NUP98: variants seen among roughly 807,000 people sequenced by gnomAD.
NUP98 encodes nuclear pore complex protein Nup98-Nup96.
In NUP98, 26 loss-of-function variants were observed where a neutral mutation model predicts 191.9. The ratio of observed to expected loss-of-function variants is 0.14; its 90% confidence interval spans 0.10 to 0.19. The LOEUF is 0.19. NUP98 is among the 10% of genes least tolerant of loss of function. The pLI, the probability that NUP98 is intolerant of heterozygous loss-of-function variation, is 1.00. For synonymous variants in NUP98, 808 were observed against 778.4 expected, an observed-to-expected ratio of 1.04 and a Z score of -0.63; for missense variants, 1,941 against 2,178.8, an observed-to-expected ratio of 0.89 and a Z score of 2.17.
At chr11:3,702,270 G>A (rs1335136094) in intron 23 of NUP98, among the ~76,000 whole-genome samples, 193 bp downstream of exon 23, 4 of 146,016 alleles carry the variant, frequency 2.7e-5, no homozygotes, top group Non-Finnish European at 6.0e-5. Flanking sequence ...GGGAAACAGA[G>A]CAAAACTGAG....
chr11:3,697,902 A>T (rs899725200), intron 25 of NUP98, among the ~76,000 whole-genome samples: 1 of 151,706 alleles, frequency 6.6e-6, no homozygotes, highest in Non-Finnish European at 1.5e-5. Context: ...AGTGAAAGGG[A>T]ACTTAAAGAA....
Position 3,702,876 on chromosome 11 carries a change from T to C in NUP98, c.3099A>G (p.Gln1033=), listed in dbSNP as rs749967888. 3 of 1,611,006 alleles carry C rather than the reference T, an allele frequency of 1.9e-6. No homozygotes were observed. Among genetic ancestry groups the C allele is most frequent in the African/African-American group, 1.3e-5 (1 of 74,872 alleles). Residue 1033 remains glutamine, a synonymous_variant, in exon 23 of 33, where the codon CAA becomes CAG. Transcript: ENST00000324932. ...KTRSLVGGLL[Q]SKFTSGAFLS... ...GAAAAGCTCCACTTGTAAATTTTGA[T>C]TGTAGTAACCCACCAACTGAAATGA...
intron 8 of NUP98, among the ~76,000 whole-genome samples, chr11:3,763,896 T>C (rs2081256264): frequency 6.6e-6 from 1 of 152,206 alleles, no homozygotes; most frequent in Non-Finnish European, 1.5e-5. Context: ...GTCTGCATCA[T>C]CCTATGTTTA....
At chr11:3,695,377 T>A in intron 26 of NUP98, 72 bp downstream of exon 26, 1 of 1,348,924 alleles carries the variant, frequency 7.4e-7, no homozygotes. Flanking sequence ...GATCACTCCT[T>A]GCCTCAACCT....
chr11:3,681,128 C>A (rs900629171), intron 30 of NUP98, among the ~76,000 whole-genome samples: 7 of 152,202 alleles, frequency 4.6e-5, no homozygotes, highest in African/African-American at 1.7e-4. Context: ...CAGCCTCAAC[C>A]TCCCTAGGCT....
At position 3,782,086 on chromosome 11, in the gene NUP98, C is replaced by A; in HGVS notation, c.32G>T (p.Gly11Val). 3.1e-6 allele frequency: 5 copies of A among 1,612,706 alleles called. No homozygotes were observed. Among genetic ancestry groups the A allele is most frequent in the Non-Finnish European group, 4.2e-6 (5 of 1,179,430 alleles). ...TGTGCCAAAGCCACCTGTGCCACCC[C>A]CAAAGGGTGTTCCAAATGATTTGTT... Reference protein sequence around the residue: MFNKSFGTPFGGGTGGFGTTS... With the variant: MFNKSFGTPFVGGTGGFGTTS... Residue 11 changes from glycine to valine, a missense_variant, in exon 2 of 33, where the codon GGG becomes GTG. This residue lies in a region of NUP98 where 154 missense variants were observed against 182.9 expected (regional missense o/e 0.84). Coordinates refer to ENST00000324932, the MANE Select transcript of NUP98 (RefSeq NM_016320.5).
At chr11:3,724,755 T>C (rs949845791) in intron 15 of NUP98, among the ~76,000 whole-genome samples, 9 of 125,672 alleles carry the variant, frequency 7.2e-5, no homozygotes, top group African/African-American at 2.9e-4. Context: ...CACTCCAGCC[T>C]GGGCGACAGA....
chr11:3,759,388 G>C (rs1236416270), intron 10 of NUP98, among the ~76,000 whole-genome samples: 2 of 152,114 alleles, frequency 1.3e-5, no homozygotes, highest in African/African-American at 2.4e-5. Context: ...TTTGAGCTCA[G>C]GAGTTCAAGA....
intron 12 of NUP98, among the ~76,000 whole-genome samples, chr11:3,743,305 C>G (rs1027184368): frequency 6.6e-6 from 1 of 150,876 alleles, no homozygotes; most frequent in African/African-American, 2.4e-5. Context: ...GCGTGGGCCA[C>G]CAGGTCCAGC....
intron 18 of NUP98, among the ~76,000 whole-genome samples, chr11:3,715,052 G>A (rs946696105): frequency 3.9e-5 from 6 of 152,068 alleles, no homozygotes; most frequent in Admixed American, 6.6e-5. Flanking sequence ...TAACTCTTCC[G>A]GGAACCACCA....
At chr11:3,691,574 G>A in intron 27 of NUP98, 85 bp from the exon 28 acceptor site, 1 of 1,338,328 alleles carries the variant, frequency 7.5e-7, no homozygotes, top group Non-Finnish European at 1.0e-6. Context: ...TTTTTTTTGA[G>A]AGGCAGTCTC....
rs1475174555 is a variant in NUP98, at chr11:3,706,593, A to T, written c.2777T>A (p.Val926Asp). ...QSPEVEQLGR[V>D]VELDSDMVDI... is the part of the protein sequence containing the mutation. ...TACCATGTCACTGTCCAGTTCCACAACCCTCCCTAACTGCTCCACCTCTGG... is the reference window on the plus strand; with the variant it reads ...TACCATGTCACTGTCCAGTTCCACATCCCTCCCTAACTGCTCCACCTCTGG... The change falls in exon 21 of 33, where the codon GTT (valine) becomes GAT (aspartate). Residue 926 changes from valine to aspartate, a missense_variant. Physicochemically the swap from Val to Asp is radical, Grantham distance 152 (BLOSUM62 -3). Coordinates refer to ENST00000324932, the MANE Select transcript of NUP98 (RefSeq NM_016320.5). 6.2e-7 allele frequency: 1 copy of T among 1,613,848 alleles called. No individual in the cohort carries two copies. Among genetic ancestry groups the T allele is most frequent in the Non-Finnish European group, 8.5e-7 (1 of 1,180,012 alleles).
chr11:3,765,241 G>A (rs1355520103), intron 8 of NUP98, among the ~76,000 whole-genome samples: 3 of 152,166 alleles, frequency 2.0e-5, no homozygotes, highest in Admixed American at 1.3e-4. Flanking sequence ...TCAGGCTAGA[G>A]TGCAGTGGCC....
At position 3,719,495 on chromosome 11, in the gene NUP98, A is replaced by T; in HGVS notation, c.2316T>A (p.Asp772Glu). 6.3e-7 allele frequency: 1 copy of T among 1,593,396 alleles called. No homozygotes were observed. Among genetic ancestry groups the T allele is most frequent in the Non-Finnish European group, 8.5e-7 (1 of 1,172,030 alleles). ...GDVNLTNLNL[D>E]DIVHIRRKEV... ...CTTTCCTCCGGATATGCACAATATC[A>T]TCCAAATTTAGATTTGTCAAATTCA... Residue 772 changes from aspartate (D) to glutamate (E), a missense_variant, in exon 18 of 33, where the codon GAT (aspartate) becomes GAA (glutamate). By Grantham distance (45) the Asp-to-Glu change is conservative. Coordinates refer to ENST00000324932, the MANE Select transcript of NUP98 (RefSeq NM_016320.5).
Position 3,675,305 on chromosome 11 carries a change from G to T in NUP98, c.*854C>A, listed in dbSNP as rs907436426. ...CAGTCATGGTTTGTTTTTGCTTCTG[G>T]AAGGGGTAGATGGAGGGTGGGAAAT... On this transcript the variant is annotated 3_prime_UTR_variant, in exon 33 of 33. Coordinates refer to ENST00000324932, the MANE Select transcript of NUP98 (RefSeq NM_016320.5). 4.6e-6 allele frequency: 1 copy of T among 217,856 alleles called. No homozygotes were observed. Among genetic ancestry groups the T allele is most frequent in the East Asian group, 6.7e-5 (1 of 14,898 alleles). 13.5% of individuals were successfully genotyped at this position (217,856 alleles called of 1,614,324 possible).
In NUP98 at chr11:3,679,946, G is replaced by A. The variant is rs528568045; in HGVS notation, c.4919-238C>T. On this transcript the variant is annotated intron_variant, in intron 30 of 32. Coordinates refer to ENST00000324932, the MANE Select transcript of NUP98 (RefSeq NM_016320.5). ...GTTTTCCAGTGGATATAAAAGTTAT[G>A]TTTACACTATACCACTGTCACTTAT... Among the ~76,000 whole-genome samples the A allele has an allele frequency of 5.9e-5, 9 of 152,324 alleles. No individual in the cohort carries two copies. The South Asian group carries it at 1.9e-3, about 32-fold the overall frequency.
At chr11:3,760,715 G>C (rs1187775976) in intron 9 of NUP98, 89 bp from the exon 10 acceptor site, 1 of 1,005,044 alleles carries the variant, frequency 9.9e-7, no homozygotes, top group African/African-American at 1.6e-5. Flanking sequence ...ACTGGGTTGG[G>C]TATGGGGTGG....
chr11:3,677,718 T>A (rs75176166), intron 31 of NUP98, among the ~76,000 whole-genome samples: 4,303 of 152,284 alleles, frequency 0.028, 418 homozygotes, highest in Admixed American at 0.18. Context: ...GAGTTCTCCA[T>A]AATAGGTTGT....
chr11:3,797,312 G>A, intron 1 of NUP98, 88 bp downstream of exon 1: 1 of 399,750 alleles, frequency 2.5e-6, no homozygotes, highest in Non-Finnish European at 4.4e-6. Flanking sequence ...GAAGCGGAGA[G>A]GCCCTGAGAC....
Sources: gnomAD v4.1 joint callset for allele counts (sites outside exome capture counted in the v4.1 genomes callset) on GRCh38, gnomAD v4.1.1 for gene constraint, gnomAD v4.1.1 regional missense constraint, MANE v1.5 for transcripts, NCBI Gene and HGNC (gene_info 2026-07-23, HGNC 2026-07-21) for gene names.